The following CNTLN variants were observed in gnomAD, a reference collection of about 807,000 sequenced individuals.
The protein encoded by CNTLN is centlein, centrosomal protein.
A neutral mutation model predicts 180.0 loss-of-function variants in CNTLN; 212 were observed. The observed-to-expected ratio is 1.18, with a 90% CI of 1.05 to 1.32. The LOEUF is 1.32. Among genes scored for constraint, CNTLN ranks in the 40% most tolerant of loss-of-function variants. The pLI is 0.00. For missense variants in CNTLN, 2,095 were observed against 1,610.9 expected (o/e 1.30, Z -5.14); for synonymous variants, 722 against 563.1 (o/e 1.28, Z -3.99).
At chr9:17,490,791 A>T (rs2134355463) in intron 25 of CNTLN, among the ~76,000 whole-genome samples, 1 of 152,276 alleles carries the variant, frequency 6.6e-6, no homozygotes, top group Admixed American at 6.6e-5. Context: ...AAGAAAAAAA[A>T]GAATACATTT....
chr9:17,246,092 G>A (rs139352353), intron 5 of CNTLN, among the ~76,000 whole-genome samples: 2 of 152,158 alleles, frequency 1.3e-5, no homozygotes, highest in East Asian at 2.0e-4. Flanking sequence ...TTTGATGCTT[G>A]TGGATATTCA....
chr9:17,325,468 T>C (rs1172839621), intron 8 of CNTLN, among the ~76,000 whole-genome samples: 1 of 150,710 alleles, frequency 6.6e-6, no homozygotes, highest in Non-Finnish European at 1.5e-5. Context: ...TTTGAATTAG[T>C]TTTCAGAGAA....
At chr9:17,278,830 G>C (rs1365177093) in intron 6 of CNTLN, among the ~76,000 whole-genome samples, 2 of 152,038 alleles carry the variant, frequency 1.3e-5, no homozygotes, top group African/African-American at 4.8e-5. Context: ...TGTGAGCATT[G>C]TTCTACATTT....
At chr9:17,344,177 A>G (rs1821701102) in intron 12 of CNTLN, among the ~76,000 whole-genome samples, 1 of 152,208 alleles carries the variant, frequency 6.6e-6, no homozygotes, top group African/African-American at 2.4e-5. Flanking sequence ...ATGAAATAGA[A>G]CTACAGAAAA....
chr9:17,290,564 T>G (rs1291358350), intron 6 of CNTLN, among the ~76,000 whole-genome samples: 1 of 139,770 alleles, frequency 7.2e-6, no homozygotes, highest in East Asian at 2.0e-4. Context: ...GCTGCTTTGT[T>G]TACCTAAGGA....
intron 2 of CNTLN, among the ~76,000 whole-genome samples, chr9:17,179,984 C>T (rs60401056): frequency 0.019 from 2,894 of 152,066 alleles, 58 homozygotes; most frequent in African/African-American, 0.05. Flanking sequence ...TTAATATAAC[C>T]ACTCTTCTTT....
intron 2 of CNTLN, among the ~76,000 whole-genome samples, chr9:17,212,459 G>A (rs1823393401): frequency 6.6e-6 from 1 of 152,202 alleles, no homozygotes; most frequent in Non-Finnish European, 1.5e-5. Context: ...TGGTTTGCCA[G>A]TATTTTATTA....
chr9:17,275,769 A>G (rs1828270471), intron 6 of CNTLN, among the ~76,000 whole-genome samples: 1 of 152,116 alleles, frequency 6.6e-6, no homozygotes, highest in South Asian at 2.1e-4. Context: ...CCTTGCATGC[A>G]CTTTTTCTTA....
At chr9:17,396,370 A>G (rs987480667) in intron 15 of CNTLN, among the ~76,000 whole-genome samples, 1 of 151,536 alleles carries the variant, frequency 6.6e-6, no homozygotes, top group African/African-American at 2.4e-5. Flanking sequence ...ACAAAACCAC[A>G]AAGACGAATG....
At chr9:17,393,792 T>G (rs1447864252) in intron 14 of CNTLN, among the ~76,000 whole-genome samples, 1 of 152,178 alleles carries the variant, frequency 6.6e-6, no homozygotes, top group African/African-American at 2.4e-5. Context: ...TAGAATTAAT[T>G]GCCCAGACTT....
chr9:17,171,805 G>A (rs549528191), intron 2 of CNTLN, among the ~76,000 whole-genome samples: 11 of 152,228 alleles, frequency 7.2e-5, no homozygotes, highest in African/African-American at 2.4e-4. Flanking sequence ...AGGGTCCAAA[G>A]TGTGGTTATG....
At chr9:17,479,028 T>A (rs1353644985) in intron 23 of CNTLN, among the ~76,000 whole-genome samples, 2 of 152,170 alleles carry the variant, frequency 1.3e-5, no homozygotes, top group South Asian at 2.1e-4. Flanking sequence ...ATGGCAGCTA[T>A]TTAAAAAAAG....
chr9:17,520,557 C>T, the CNTLN span, among the ~76,000 whole-genome samples: 1 of 152,184 alleles, frequency 6.6e-6, no homozygotes, highest in Admixed American at 6.5e-5. Context: ...AAACATGGCT[C>T]CCCGCTTGGA....
intron 12 of CNTLN, among the ~76,000 whole-genome samples, chr9:17,364,862 A>G (rs1823680394): frequency 6.6e-6 from 1 of 152,088 alleles, no homozygotes; most frequent in Non-Finnish European, 1.5e-5. Context: ...TGTATGGCTC[A>G]GTTTTGAACC....
At chr9:17,434,420 A>T (rs1178968741) in intron 18 of CNTLN, among the ~76,000 whole-genome samples, 1 of 151,892 alleles carries the variant, frequency 6.6e-6, no homozygotes, top group East Asian at 1.9e-4. Flanking sequence ...AATATACTAT[A>T]TTTTACATTT....
At chr9:17,479,787 A>G (rs1024272969) in intron 23 of CNTLN, among the ~76,000 whole-genome samples, 1 of 152,216 alleles carries the variant, frequency 6.6e-6, no homozygotes, top group African/African-American at 2.4e-5. Context: ...TATAAATCCA[A>G]ATATACCAAT....
chr9:17,281,853 A>G (rs1828684293), intron 6 of CNTLN, among the ~76,000 whole-genome samples: 1 of 152,194 alleles, frequency 6.6e-6, no homozygotes, highest in Non-Finnish European at 1.5e-5. Flanking sequence ...TAGGTCTTTG[A>G]GGAATCGCCA....
chr9:17,470,140 G>C (rs570262943), intron 23 of CNTLN, among the ~76,000 whole-genome samples: 1 of 151,944 alleles, frequency 6.6e-6, no homozygotes, highest in South Asian at 2.1e-4. Context: ...TTGAGGAAAG[G>C]AACGTTGTCA....
chr9:17,288,311 A>T (rs1342817558), intron 6 of CNTLN, among the ~76,000 whole-genome samples: 1 of 115,532 alleles, frequency 8.7e-6, no homozygotes, highest in Non-Finnish European at 1.7e-5. Context: ...CATGTAGTTG[A>T]GCGGCTTTGA....
Sources: allele counts gnomAD v4.1 joint callset (sites outside exome capture counted in the v4.1 genomes callset), GRCh38; gene constraint gnomAD v4.1.1; transcripts MANE v1.5; gene names NCBI Gene and HGNC (gene_info 2026-07-23, HGNC 2026-07-21).